RCAN2: variants seen among roughly 807,000 people sequenced by gnomAD.
RCAN2 encodes calcipressin-2.
Under a neutral mutation model 23.6 loss-of-function variants are expected in RCAN2, and 9 were observed. The observed-to-expected ratio is 0.38, with a 90% CI of 0.23 to 0.67. RCAN2 has a LOEUF of 0.67. RCAN2 is among the 30% of genes least tolerant of loss of function. RCAN2 has a pLI of 0.51. For missense variants in RCAN2, 273 were observed against 302.3 expected (o/e 0.90, Z 0.72); for synonymous variants, 109 against 115.7 (o/e 0.94, Z 0.37).
At chr6:46,263,539 A>ATGTGTGTGTGTGTGTGTGTGTG (rs59953064) in intron 2 of RCAN2, among the ~76,000 whole-genome samples, 4 of 82,450 alleles carry the variant, frequency 4.9e-5, no homozygotes, top group Non-Finnish European at 6.2e-5. Context: ...GTGTGTGTGT[A>ATGTGTGTGTGTGTGTGTGTGTG]TGTGTGTGTG....
At chr6:46,387,143 A>G (rs1306832576) in intron 2 of RCAN2, among the ~76,000 whole-genome samples, 1 of 152,226 alleles carries the variant, frequency 6.6e-6, no homozygotes, top group Non-Finnish European at 1.5e-5. Flanking sequence ...TAAAACCATA[A>G]AAACCCTAGA....
chr6:46,328,872 G>T (rs1763874813), intron 2 of RCAN2, among the ~76,000 whole-genome samples: 2 of 152,220 alleles, frequency 1.3e-5, no homozygotes, highest in African/African-American at 4.8e-5. Context: ...GCCTCCCAAA[G>T]TGCTGGGATT....
At chr6:46,468,026 C>T (rs1768444684) in intron 1 of RCAN2, among the ~76,000 whole-genome samples, 1 of 152,170 alleles carries the variant, frequency 6.6e-6, no homozygotes, top group Non-Finnish European at 1.5e-5. Context: ...CTTACTAGGC[C>T]TCAGTTTCCA....
At chr6:46,374,929 T>C (rs949205895) in intron 2 of RCAN2, among the ~76,000 whole-genome samples, 1 of 152,182 alleles carries the variant, frequency 6.6e-6, no homozygotes, top group Admixed American at 6.5e-5. Flanking sequence ...GTTTTTGAAA[T>C]GGTGTCTTGC....
At chr6:46,237,713 G>A (rs780824999) in intron 4 of RCAN2, among the ~76,000 whole-genome samples, 1 of 152,334 alleles carries the variant, frequency 6.6e-6, no homozygotes, top group South Asian at 2.1e-4. Flanking sequence ...CTCAACCTAT[G>A]TGGTGGAAGT....
intron 4 of RCAN2, among the ~76,000 whole-genome samples, chr6:46,232,962 G>T (rs990286008): frequency 1.3e-5 from 2 of 152,114 alleles, no homozygotes; most frequent in African/African-American, 4.8e-5. Context: ...GCCCCATGAG[G>T]ATACTGGCAC....
chr6:46,473,946 C>A (rs974112639), intron 1 of RCAN2, among the ~76,000 whole-genome samples: 5 of 152,190 alleles, frequency 3.3e-5, no homozygotes, highest in Non-Finnish European at 1.5e-5. Flanking sequence ...CTACTATGTG[C>A]AAACTATCCT....
intron 2 of RCAN2, among the ~76,000 whole-genome samples, chr6:46,403,504 G>A (rs946748153): frequency 2.0e-5 from 3 of 151,650 alleles, no homozygotes; most frequent in Non-Finnish European, 4.4e-5. Context: ...CCTGGGAGGT[G>A]GAGGTTATAG....
chr6:46,448,228 C>G (rs545047801), intron 2 of RCAN2, among the ~76,000 whole-genome samples: 61 of 151,648 alleles, frequency 4.0e-4, no homozygotes, highest in African/African-American at 1.2e-3. Context: ...AGTTGGATAA[C>G]TTAGAAGAAA....
rs1765535036 is a variant in RCAN2, at chr6:46,223,193, G to T, written c.680C>A (p.Pro227Gln). 6.2e-7 allele frequency: 1 copy of T among 1,613,878 alleles called. No individual in the cohort carries two copies. Among genetic ancestry groups the T allele is most frequent in the Non-Finnish European group, 8.5e-7 (1 of 1,179,956 alleles). ...EEEDPKTSPKPKIIQTRRPGL... is the reference protein window; with the variant it reads ...EEEDPKTSPKQKIIQTRRPGL... ...AGGACGCCGAGTTTGGATGATTTTT[G>T]GCTTTGGGGAAGTCTTTGGGTCCTC... The change falls in exon 5 of 5, where the codon CCA becomes CAA. Residue 227 changes from proline (P) to glutamine (Q), a missense_variant. Coordinates refer to ENST00000371374, the MANE Select transcript of RCAN2 (RefSeq NM_001251974.2).
At chr6:46,315,830 G>A (rs1763414586) in intron 2 of RCAN2, among the ~76,000 whole-genome samples, 1 of 152,192 alleles carries the variant, frequency 6.6e-6, no homozygotes, top group Admixed American at 6.5e-5. Flanking sequence ...GATACTTCCT[G>A]TTTATCCAGG....
At position 46,464,050 on chromosome 6, in the gene RCAN2, G is replaced by C. The variant is rs956312725; in HGVS notation, c.-2-7072C>G. Among the ~76,000 whole-genome samples the C allele has an allele frequency of 2.0e-5, 3 of 152,258 alleles. No individual in the cohort carries two copies. The East Asian group carries it at 5.8e-4, about 29-fold the overall frequency. On this transcript the variant is annotated intron_variant, in intron 1 of 4. Transcript: ENST00000371374. ...ATAATTCATCCTGACTTCAAGTTCA[G>C]TTTTGATTGAAAAACAAGTAAATGA...
At chr6:46,448,248 TC>T (rs1391586833) in intron 2 of RCAN2, among the ~76,000 whole-genome samples, 1 of 151,590 alleles carries the variant, frequency 6.6e-6, no homozygotes, top group African/African-American at 2.4e-5. Context: ...ATGGATAAAT[TC>T]CTAGAGACGT....
chr6:46,239,004 T>G (rs906668438), intron 4 of RCAN2, among the ~76,000 whole-genome samples: 1 of 152,238 alleles, frequency 6.6e-6, no homozygotes, highest in Non-Finnish European at 1.5e-5. Context: ...ATTTTACTAT[T>G]GAAGAAGCAG....
At chr6:46,291,653 T>C (rs74792701) in intron 2 of RCAN2, among the ~76,000 whole-genome samples, 48 of 150,580 alleles carry the variant, frequency 3.2e-4, no homozygotes, top group Middle Eastern at 3.4e-3. Flanking sequence ...TTTTTTTTTT[T>C]CCCCACAGAC....
At chr6:46,289,281 T>C (rs1762465904) in intron 2 of RCAN2, among the ~76,000 whole-genome samples, 1 of 152,214 alleles carries the variant, frequency 6.6e-6, no homozygotes, top group South Asian at 2.1e-4. Context: ...ACACAGCCTA[T>C]GGTGAACTGC....
chr6:46,457,150 T>C (rs1436870226), intron 1 of RCAN2, among the ~76,000 whole-genome samples, 172 bp from the exon 2 acceptor site: 1 of 152,182 alleles, frequency 6.6e-6, no homozygotes, highest in Non-Finnish European at 1.5e-5. Context: ...CCTTGATCCC[T>C]GAACCAGAAT....
At chr6:46,278,291 C>T (rs1767780513) in intron 2 of RCAN2, among the ~76,000 whole-genome samples, 1 of 151,982 alleles carries the variant, frequency 6.6e-6, no homozygotes, top group Non-Finnish European at 1.5e-5. Flanking sequence ...TAGAGTAATA[C>T]AAAGAATTCC....
chr6:46,338,129 A>T (rs1429531242), intron 2 of RCAN2, among the ~76,000 whole-genome samples: 1 of 152,252 alleles, frequency 6.6e-6, no homozygotes, highest in Non-Finnish European at 1.5e-5. Flanking sequence ...TTGGCTAAGT[A>T]GCAAAACAGT....
Sources: gnomAD v4.1 joint callset for allele counts (sites outside exome capture counted in the v4.1 genomes callset) on GRCh38, gnomAD v4.1.1 for gene constraint, MANE v1.5 for transcripts, NCBI Gene and HGNC (gene_info 2026-07-23, HGNC 2026-07-21) for gene names.